The following ANK2 variants were observed in gnomAD, a reference collection of about 807,000 sequenced individuals.
ANK2 encodes the protein ankyrin 2.
A neutral mutation model predicts 360.5 loss-of-function variants in ANK2; 83 were observed. That is an observed-to-expected ratio of 0.23 (90% CI 0.19 to 0.28). The LOEUF (loss-of-function observed/expected upper bound fraction) is 0.28. Among genes scored for constraint, ANK2 ranks in the 10% least tolerant of loss-of-function variants. The pLI is 1.00. For synonymous variants in ANK2, 1,740 were observed against 1,759.5 expected (o/e 0.99, Z 0.28); for missense variants, 4,201 against 4,795.7 (o/e 0.88, Z 3.66).
chr4:112,893,833 A>G (rs2080912212), intron 1 of ANK2, among the ~76,000 whole-genome samples: 1 of 152,094 alleles, frequency 6.6e-6, no homozygotes, highest in Admixed American at 6.5e-5. Flanking sequence ...TGTCTCTACT[A>G]AAAACACAAA....
At position 113,287,664 on chromosome 4, in the gene ANK2, T is replaced by C. The variant is rs2065363797; in HGVS notation, c.2139T>C (p.Ile713=). The change falls in exon 19 of 46, where the codon ATT becomes ATC. Residue 713 remains isoleucine (I), a synonymous_variant. Coordinates refer to ENST00000357077, the MANE Select transcript of ANK2 (RefSeq NM_001148.6). ...AQEDKVNVAD[I]LTKHGADQDA... ...AAGATAAAGTGAATGTTGCTGATAT[T>C]CTCACCAAGCATGGAGCTGATCAGG... is the stretch of plus-strand genomic sequence containing the variant. 6 of 1,613,568 alleles carry C rather than the reference T, an allele frequency of 3.7e-6. No individual in the cohort carries two copies. The highest frequency in any genetic ancestry group is 4.2e-6 in the Non-Finnish European group (5 of 1,179,520).
intron 2 of ANK2, among the ~76,000 whole-genome samples, chr4:112,945,056 A>G (rs2094463448): frequency 6.6e-6 from 1 of 152,252 alleles, no homozygotes. Flanking sequence ...TTAGTTGCTT[A>G]CAATCACAAA....
chr4:113,287,209 T>C (rs2065093671), intron 18 of ANK2, among the ~76,000 whole-genome samples: 1 of 152,200 alleles, frequency 6.6e-6, no homozygotes, highest in African/African-American at 2.4e-5. Flanking sequence ...ATATAGATGA[T>C]TATTATGCTT....
chr4:112,958,845 A>ATTTCTT (rs151114924), intron 2 of ANK2, among the ~76,000 whole-genome samples: 80 of 150,014 alleles, frequency 5.3e-4, no homozygotes, highest in South Asian at 1.9e-3. Context: ...ACAAGAGAAG[A>ATTTCTT]TTTCTTTTTC....
chr4:113,220,869 A>G (rs549551138), intron 4 of ANK2, among the ~76,000 whole-genome samples: 6 of 152,358 alleles, frequency 3.9e-5, no homozygotes, highest in East Asian at 1.9e-4. Flanking sequence ...ATCAACAGCT[A>G]TTTATTGGAC....
At chr4:112,967,403 G>T (rs1252421184) in intron 2 of ANK2, among the ~76,000 whole-genome samples, 1 of 152,250 alleles carries the variant, frequency 6.6e-6, no homozygotes, top group Non-Finnish European at 1.5e-5. Flanking sequence ...ACTTGCAGCG[G>T]CAGAGCCCAG....
intron 15 of ANK2, among the ~76,000 whole-genome samples, chr4:113,277,042 A>G (rs987553963): frequency 6.6e-6 from 1 of 152,176 alleles, no homozygotes; most frequent in Non-Finnish European, 1.5e-5. Flanking sequence ...ACTTATCTGT[A>G]TTTATAACAC....
the ANK2 span, among the ~76,000 whole-genome samples, chr4:112,773,128 G>A: frequency 2.0e-5 from 3 of 152,172 alleles, no homozygotes; most frequent in Admixed American, 6.5e-5. Context: ...GACCAGCCTG[G>A]GCAACATGGC....
intron 1 of ANK2, among the ~76,000 whole-genome samples, chr4:112,866,262 T>C (rs1431622725): frequency 6.6e-6 from 1 of 152,174 alleles, no homozygotes. Context: ...ATCAACATGA[T>C]ACAATGGGTG....
At chr4:112,997,837 A>G (rs926547860) in intron 2 of ANK2, among the ~76,000 whole-genome samples, 17 of 151,568 alleles carry the variant, frequency 1.1e-4, no homozygotes, top group African/African-American at 4.1e-4. Flanking sequence ...TATACAAATG[A>G]CATATATATA....
rs558595618 is a variant in ANK2, at chr4:113,229,550, G to C, written c.385-2611G>C. Among the ~76,000 whole-genome samples, 40 of 152,302 alleles carry C rather than the reference G, an allele frequency of 2.6e-4. No individual in the cohort carries two copies. The South Asian group carries it at 6.2e-3, about 24-fold the overall frequency. On this transcript the variant is annotated intron_variant, in intron 4 of 45. Coordinates refer to ENST00000357077, the MANE Select transcript of ANK2 (RefSeq NM_001148.6). ...GATTAGGATGTGGACATATGTGGGG[G>C]CCATCATTCTGCCTCCCAAAGGGTG...
chr4:113,062,244 T>C (rs368089246), intron 1 of ANK2, among the ~76,000 whole-genome samples: 2 of 152,134 alleles, frequency 1.3e-5, no homozygotes, highest in Non-Finnish European at 2.9e-5. Context: ...TTGGCAGTTT[T>C]TTGTTCCAAC....
intron 4 of ANK2, among the ~76,000 whole-genome samples, chr4:113,212,607 G>A (rs1426437076): frequency 6.6e-6 from 1 of 152,188 alleles, no homozygotes; most frequent in African/African-American, 2.4e-5. Flanking sequence ...TCAAATTTCA[G>A]CTCTTCTGCT....
chr4:113,052,115 T>C (rs550985946), intron 1 of ANK2, among the ~76,000 whole-genome samples: 2 of 152,288 alleles, frequency 1.3e-5, no homozygotes, highest in Non-Finnish European at 2.9e-5. Flanking sequence ...GTACCTTAGG[T>C]CTTTATATTA....
intron 2 of ANK2, among the ~76,000 whole-genome samples, chr4:112,958,832 G>C (rs1470995405): frequency 6.6e-6 from 1 of 151,876 alleles, no homozygotes; most frequent in Non-Finnish European, 1.5e-5. Flanking sequence ...CTATTTTGGG[G>C]GTACAAGAGA....
In ANK2 at chr4:113,240,558, G is replaced by C. The variant is rs1276798019; in HGVS notation, c.767G>C (p.Gly256Ala). 1.2e-6 allele frequency: 2 copies of C among 1,613,732 alleles called. No individual in the cohort carries two copies. Among genetic ancestry groups the C allele is most frequent in the Non-Finnish European group, 1.7e-6 (2 of 1,179,854 alleles). ...VNVATLLLNR[G>A]AAVDFTARNG... Reference sequence around the variant, plus strand: ...GTGGCAACTCTTCTTCTAAACCGGGGAGCTGCTGTGGACTTCACAGCCAGG... The same window carrying C: ...GTGGCAACTCTTCTTCTAAACCGGGCAGCTGCTGTGGACTTCACAGCCAGG... Residue 256 changes from glycine to alanine, a missense_variant, in exon 8 of 46, where the codon GGA becomes GCA. Coordinates refer to ENST00000357077, the MANE Select transcript of ANK2 (RefSeq NM_001148.6).
In ANK2 at chr4:113,228,248, C is replaced by T. The variant is rs145974311; in HGVS notation, c.385-3913C>T. On this transcript the variant is annotated intron_variant, in intron 4 of 45. Transcript: ENST00000357077. The stretch of plus-strand genomic sequence containing the variant: ...TGGTGTTTAGTTACATGAATAAGTT[C>T]TTTGGTGGTGATTTCTAAGATTCTG... Among the ~76,000 whole-genome samples, 396 of 152,138 alleles carry T rather than the reference C, an allele frequency of 2.6e-3. 1 individual carries two copies. The highest frequency in any genetic ancestry group is 9.1e-3 in the African/African-American group (378 of 41,518).
the ANK2 span, among the ~76,000 whole-genome samples, chr4:112,783,714 C>T: frequency 4.0e-4 from 61 of 151,508 alleles, no homozygotes; most frequent in African/African-American, 1.3e-3. Flanking sequence ...TGCAGTGGCG[C>T]GATCGGCTCA....
rs370070322 is a variant in ANK2, at chr4:113,278,506, A to T, written c.1829A>T (p.Lys610Met). 4.5e-5 allele frequency: 73 copies of T among 1,613,912 alleles called. No individual in the cohort carries two copies. The highest frequency in any genetic ancestry group is 5.9e-6 in the Non-Finnish European group (7 of 1,179,972). Reference sequence around the variant, plus strand: ...GTTGCTGCTCATTATGACAACCAGAAGGTGGCGCTGCTGTTACTGGAGAAG... The same window carrying T: ...GTTGCTGCTCATTATGACAACCAGATGGTGGCGCTGCTGTTACTGGAGAAG... Reference protein sequence around the residue: ...LHVAAHYDNQKVALLLLEKGA... With the variant: ...LHVAAHYDNQMVALLLLEKGA... Residue 610 changes from lysine (K) to methionine (M), a missense_variant, in exon 17 of 46, where the codon AAG becomes ATG. Coordinates refer to ENST00000357077, the MANE Select transcript of ANK2 (RefSeq NM_001148.6).
Sources: gnomAD v4.1 joint callset for allele counts (sites outside exome capture counted in the v4.1 genomes callset) on GRCh38, gnomAD v4.1.1 for gene constraint, MANE v1.5 for transcripts, NCBI Gene and HGNC (gene_info 2026-07-23, HGNC 2026-07-21) for gene names.